The following SGCD variants were observed in gnomAD, a reference collection of about 807,000 sequenced individuals.
The protein encoded by SGCD is delta-sarcoglycan.
SGCD carries 18 observed loss-of-function variants against 36.6 expected under a neutral mutation model. The ratio of observed to expected loss-of-function variants is 0.49; its 90% CI spans 0.34 to 0.73. SGCD has a LOEUF of 0.73. SGCD is among the 30% of genes least tolerant of loss of function. The pLI, the probability that SGCD is intolerant of heterozygous loss-of-function variation, is 0.01. For missense variants in SGCD, 387 were observed against 346.7 expected (o/e 1.12, Z -0.92); for synonymous variants, 133 against 130.6 (o/e 1.02, Z -0.12).
At chr5:156,462,172 G>T (rs948619475) in intron 3 of SGCD, among the ~76,000 whole-genome samples, 1 of 151,838 alleles carries the variant, frequency 6.6e-6, no homozygotes, top group African/African-American at 2.4e-5. Flanking sequence ...TGGCCTTTTA[G>T]TTCCATGGCC....
intron 3 of SGCD, among the ~76,000 whole-genome samples, chr5:156,273,942 A>G (rs569606615): frequency 2.0e-5 from 3 of 152,300 alleles, no homozygotes; most frequent in African/African-American, 7.2e-5. Flanking sequence ...CATAATTCCA[A>G]GGTTCCATAC....
intron 4 of SGCD, among the ~76,000 whole-genome samples, chr5:156,548,541 T>C (rs1034599049): frequency 3.9e-5 from 6 of 152,236 alleles, no homozygotes; most frequent in African/African-American, 1.2e-4. Flanking sequence ...TTAAGAGCTT[T>C]GGTCTTGATT....
intron 4 of SGCD, among the ~76,000 whole-genome samples, chr5:156,524,116 A>AGTTT (rs1757538561): frequency 1.8e-5 from 1 of 55,726 alleles, no homozygotes; most frequent in Non-Finnish European, 3.8e-5. Flanking sequence ...ATATATATAT[A>AGTTT]TATATATATA....
intron 3 of SGCD, among the ~76,000 whole-genome samples, chr5:156,500,773 C>T (rs1046815988): frequency 3.3e-5 from 5 of 152,126 alleles, no homozygotes; most frequent in Admixed American, 6.5e-5. Context: ...GGGCATGGGG[C>T]GGATCCTGGA....
At chr5:156,370,163 A>G (rs955850141) in intron 3 of SGCD, among the ~76,000 whole-genome samples, 3 of 152,126 alleles carry the variant, frequency 2.0e-5, no homozygotes, top group Non-Finnish European at 4.4e-5. Flanking sequence ...AGAGAATAAT[A>G]CTTTATTACG....
Position 156,266,398 on chromosome 5 carries a change from C to G in SGCD, c.-43-63136C>G, listed in dbSNP as rs1206459872. 2.6e-5 allele frequency among the ~76,000 whole-genome samples: 4 copies of G among 152,168 alleles called. No homozygotes were observed. In the East Asian group the frequency reaches 7.7e-4, roughly 29 times the overall value. ...CAAAAATGTCCTGTAGCTGTGCAAT[C>G]TAATATCAATATAAGGTTCAAAACC... On this transcript the variant is annotated intron_variant, in intron 3 of 9. Transcript: ENST00000517913.
At chr5:155,966,946 T>C (rs891837732) in intron 1 of SGCD, among the ~76,000 whole-genome samples, 7 of 151,022 alleles carry the variant, frequency 4.6e-5, no homozygotes, top group African/African-American at 1.5e-4. Flanking sequence ...TGTGTGTGTG[T>C]GTGTGTGTGT....
chr5:155,804,726 G>A, the SGCD span, among the ~76,000 whole-genome samples: 15 of 152,184 alleles, frequency 9.9e-5, no homozygotes, highest in South Asian at 2.1e-4. Flanking sequence ...TGGATCAACC[G>A]TGAAAGAGGA....
chr5:156,363,806 T>G (rs1769937090), intron 3 of SGCD, among the ~76,000 whole-genome samples: 1 of 152,238 alleles, frequency 6.6e-6, no homozygotes, highest in African/African-American at 2.4e-5. Context: ...TGATTAATTT[T>G]GTCTTTTTCT....
At chr5:156,566,750 T>C (rs1338856748) in intron 4 of SGCD, among the ~76,000 whole-genome samples, 1 of 152,166 alleles carries the variant, frequency 6.6e-6, no homozygotes, top group East Asian at 1.9e-4. Flanking sequence ...AGACTGTTTC[T>C]CCCTTTGATA....
At chr5:156,218,577 C>T (rs1271647063) in intron 3 of SGCD, among the ~76,000 whole-genome samples, 7 of 152,092 alleles carry the variant, frequency 4.6e-5, no homozygotes. Context: ...ACTATTTTTG[C>T]CTGAACCCTT....
At chr5:156,360,024 A>G (rs1769701002) in intron 3 of SGCD, among the ~76,000 whole-genome samples, 1 of 152,148 alleles carries the variant, frequency 6.6e-6, no homozygotes, top group Admixed American at 6.5e-5. Flanking sequence ...CCCTGATCCC[A>G]TAGTGCAAAG....
intron 6 of SGCD, among the ~76,000 whole-genome samples, chr5:156,609,494 C>T (rs186214784): frequency 9.9e-5 from 15 of 152,074 alleles, no homozygotes; most frequent in Admixed American, 2.0e-4. Context: ...CCTTCATTTC[C>T]ACTTTGGTGA....
At chr5:156,604,866 ATATACTT>A (rs945843825) in intron 6 of SGCD, among the ~76,000 whole-genome samples, 7 of 149,198 alleles carry the variant, frequency 4.7e-5, no homozygotes, top group African/African-American at 7.3e-5. Flanking sequence ...TGTGTATAAT[ATATACTT>A]TATATATATA....
intron 3 of SGCD, among the ~76,000 whole-genome samples, chr5:156,399,855 G>A (rs181014173): frequency 5.1e-4 from 78 of 152,200 alleles, no homozygotes; most frequent in Middle Eastern, 3.4e-3. Context: ...CTGGGGCCTG[G>A]AACATAGCAG....
intron 1 of SGCD, among the ~76,000 whole-genome samples, chr5:155,901,375 G>A (rs1022794088): frequency 3.9e-5 from 6 of 151,904 alleles, no homozygotes; most frequent in African/African-American, 1.4e-4. Flanking sequence ...AGGAGGATAT[G>A]CCCATCAAAA....
chr5:156,236,305 A>G (rs971902700), intron 3 of SGCD, among the ~76,000 whole-genome samples: 2 of 152,200 alleles, frequency 1.3e-5, no homozygotes, highest in African/African-American at 4.8e-5. Context: ...CATTTAGTGT[A>G]AGGACAGTAA....
intron 6 of SGCD, among the ~76,000 whole-genome samples, chr5:156,632,358 T>C (rs1195632806): frequency 6.6e-6 from 1 of 152,180 alleles, no homozygotes; most frequent in Non-Finnish European, 1.5e-5. Flanking sequence ...TGTTCTAGTA[T>C]CCGAAGGAAA....
At chr5:156,181,810 TA>T (rs1243963530) in intron 3 of SGCD, among the ~76,000 whole-genome samples, 1 of 152,214 alleles carries the variant, frequency 6.6e-6, no homozygotes, top group Non-Finnish European at 1.5e-5. Flanking sequence ...CAAGTTTAGT[TA>T]AATCCAGTTA....
Sources: gnomAD v4.1 joint callset for allele counts (sites outside exome capture counted in the v4.1 genomes callset) on GRCh38, gnomAD v4.1.1 for gene constraint, MANE v1.5 for transcripts, NCBI Gene and HGNC (gene_info 2026-07-23, HGNC 2026-07-21) for gene names.